Variants in IQUB observed in about 807,000 individuals in gnomAD.
The protein encoded by IQUB is IQ motif and ubiquitin-like domain-containing protein.
A neutral mutation model predicts 86.4 loss-of-function variants in IQUB; 86 were observed. That is an observed-to-expected ratio of 1.00 (90% CI 0.84 to 1.19). The LOEUF is 1.19. Ranked by LOEUF, IQUB falls within the 50% of genes most tolerant of loss-of-function variation. The pLI, the probability that IQUB is intolerant of heterozygous loss-of-function variation, is 0.00. For missense variants in IQUB, 946 were observed against 916.9 expected (o/e 1.03, Z -0.41); for synonymous variants, 289 against 304.5 (o/e 0.95, Z 0.53).
chr7:123,463,011 CA>C (rs1794073239), intron 10 of IQUB, among the ~76,000 whole-genome samples: 1 of 151,578 alleles, frequency 6.6e-6, no homozygotes. Context: ...TAAAAATGTG[CA>C]AATGAGCCAT....
chr7:123,506,393 C>T (rs1212354679), intron 3 of IQUB, among the ~76,000 whole-genome samples: 1 of 152,130 alleles, frequency 6.6e-6, no homozygotes, highest in East Asian at 1.9e-4. Context: ...TCTCACATTG[C>T]TATAAAGAAC....
intron 1 of IQUB, among the ~76,000 whole-genome samples, chr7:123,512,952 T>G (rs1273237915): frequency 6.6e-6 from 1 of 152,100 alleles, no homozygotes; most frequent in Non-Finnish European, 1.5e-5. Flanking sequence ...TGGGCCAGGA[T>G]AGTCCAAGGC....
chr7:123,525,158 TTC>T (rs1797132482), intron 1 of IQUB, among the ~76,000 whole-genome samples: 1 of 152,194 alleles, frequency 6.6e-6, no homozygotes, highest in South Asian at 2.1e-4. Context: ...TGGTCTAAAA[TTC>T]TCTTTTTTGG....
intron 7 of IQUB, among the ~76,000 whole-genome samples, chr7:123,491,311 G>C (rs1448312774): frequency 6.6e-6 from 1 of 152,048 alleles, no homozygotes; most frequent in Non-Finnish European, 1.5e-5. Context: ...CACAGGACTA[G>C]AAGAGGAGTA....
chr7:123,510,501 ATGT>A (rs1255432835), intron 2 of IQUB, among the ~76,000 whole-genome samples: 2 of 152,144 alleles, frequency 1.3e-5, no homozygotes, highest in East Asian at 1.9e-4. Flanking sequence ...AAATTTTTAA[ATGT>A]TATTATAAAA....
At chr7:123,517,527 T>C (rs1796697717) in intron 1 of IQUB, among the ~76,000 whole-genome samples, 4 of 65,316 alleles carry the variant, frequency 6.1e-5, no homozygotes, top group African/African-American at 1.3e-4. Flanking sequence ...CGAGACTCCA[T>C]CTCAAAAAAA....
At chr7:123,470,386 A>G (rs1204100832) in intron 8 of IQUB, among the ~76,000 whole-genome samples, 1 of 152,198 alleles carries the variant, frequency 6.6e-6, no homozygotes, top group Non-Finnish European at 1.5e-5. Flanking sequence ...ATGTTTTTGT[A>G]GGTTAACTGT....
rs1164190483 is a variant in IQUB, at chr7:123,512,042, G to T, written c.299C>A (p.Ala100Glu). 1.2e-6 allele frequency: 2 copies of T among 1,613,456 alleles called. No homozygotes were observed. Among genetic ancestry groups the T allele is most frequent in the African/African-American group, 1.3e-5 (1 of 75,006 alleles). The change falls in exon 2 of 13, where the codon GCA becomes GAA. Residue 100 changes from alanine to glutamate, a missense_variant. Coordinates refer to ENST00000324698, the MANE Select transcript of IQUB (RefSeq NM_178827.5). ...YTPQHHEKQYAMQRPNDDSLA... is the reference protein window; with the variant it reads ...YTPQHHEKQYEMQRPNDDSLA... ...ACTATCATCATTTGGCCTCTGCATTGCATATTGCTTTTCATGATGTTGCGG... is the reference window on the plus strand; with the variant it reads ...ACTATCATCATTTGGCCTCTGCATTTCATATTGCTTTTCATGATGTTGCGG...
At chr7:123,499,920 G>C (rs774355002) in intron 6 of IQUB, among the ~76,000 whole-genome samples, 96 of 152,102 alleles carry the variant, frequency 6.3e-4, no homozygotes, top group Non-Finnish European at 1.2e-3. Flanking sequence ...AATAAAACAG[G>C]TTGCAGTAAA....
At chr7:123,455,550 T>C (rs1793653762) in intron 12 of IQUB, among the ~76,000 whole-genome samples, 1 of 152,140 alleles carries the variant, frequency 6.6e-6, no homozygotes, top group Non-Finnish European at 1.5e-5. Flanking sequence ...CAGAAAGCTT[T>C]AAATAATGGC....
At chr7:123,531,226 T>G (rs924694408) in intron 1 of IQUB, among the ~76,000 whole-genome samples, 20 of 152,192 alleles carry the variant, frequency 1.3e-4, no homozygotes, top group African/African-American at 4.8e-4. Flanking sequence ...GAAATGTATT[T>G]TCCAAACTGT....
intron 10 of IQUB, 21 bp from the exon 11 acceptor site, chr7:123,461,626 G>T (rs1241515476): frequency 3.3e-6 from 5 of 1,516,206 alleles, no homozygotes; most frequent in Non-Finnish European, 4.4e-6. Flanking sequence ...AGTAAAAAAA[G>T]AAAAAAAAGG....
chr7:123,461,703 T>C, intron 10 of IQUB, 98 bp from the exon 11 acceptor site: 2 of 1,053,864 alleles, frequency 1.9e-6, no homozygotes, highest in Non-Finnish European at 2.5e-6. Flanking sequence ...AACTTACTTA[T>C]CTTAGAATGA....
chr7:123,477,629 G>T (rs975627105), intron 8 of IQUB, among the ~76,000 whole-genome samples: 2 of 152,126 alleles, frequency 1.3e-5, no homozygotes, highest in Non-Finnish European at 2.9e-5. Context: ...CACAGCAAAA[G>T]AAACTACCAT....
chr7:123,497,283 T>C (rs1401192888), intron 6 of IQUB, among the ~76,000 whole-genome samples: 2 of 152,144 alleles, frequency 1.3e-5, no homozygotes, highest in Non-Finnish European at 2.9e-5. Context: ...AGTATACATA[T>C]AAAGTGCTTA....
chr7:123,528,001 G>C (rs1243254316), intron 1 of IQUB, among the ~76,000 whole-genome samples: 1 of 152,216 alleles, frequency 6.6e-6, no homozygotes, highest in Non-Finnish European at 1.5e-5. Flanking sequence ...AGCCGGGTGG[G>C]GGATATAATC....
At chr7:123,461,634 A>G in intron 10 of IQUB, 29 bp from the exon 11 acceptor site, 1 of 1,513,356 alleles carries the variant, frequency 6.6e-7, no homozygotes, top group South Asian at 1.3e-5. Flanking sequence ...AAGAAAAAAA[A>G]GGTCTAAAAA....
At chr7:123,460,643 T>A (rs1793936145) in intron 11 of IQUB, among the ~76,000 whole-genome samples, 1 of 151,970 alleles carries the variant, frequency 6.6e-6, no homozygotes, top group African/African-American at 2.4e-5. Context: ...GTCCTTCTGT[T>A]TTCTCACTTG....
intron 1 of IQUB, among the ~76,000 whole-genome samples, chr7:123,523,705 T>A (rs1374394420): frequency 6.6e-6 from 1 of 152,062 alleles, no homozygotes; most frequent in African/African-American, 2.4e-5. Context: ...CTCTTTAGTT[T>A]AATTAGATCC....
Sources: gnomAD v4.1 joint callset for allele counts (sites outside exome capture counted in the v4.1 genomes callset) on GRCh38, gnomAD v4.1.1 for gene constraint, MANE v1.5 for transcripts, NCBI Gene and HGNC (gene_info 2026-07-23, HGNC 2026-07-21) for gene names.